CDHR5: variants seen among roughly 807,000 people sequenced by gnomAD.
The protein encoded by CDHR5 is cadherin related family member 5, also known as cadherin-related family member 5.
Under a neutral mutation model 69.5 loss-of-function variants are expected in CDHR5, and 82 were observed. The ratio of observed to expected loss-of-function variants is 1.18; its 90% confidence interval spans 0.99 to 1.42. The LOEUF is 1.42. Ranked by LOEUF, CDHR5 falls within the 40% of genes most tolerant of loss-of-function variation. The pLI is 0.00. For synonymous variants in CDHR5, 601 were observed against 510.2 expected (o/e 1.18, Z -2.40); for missense variants, 1,293 against 1,168.9 (o/e 1.11, Z -1.55).
In CDHR5 at chr11:617,544, C is replaced by T. The variant is rs757387099; in HGVS notation, c.2345G>A (p.Arg782Gln). 85 of 1,612,252 alleles carry T rather than the reference C, an allele frequency of 5.3e-5. No homozygotes were observed. Among genetic ancestry groups the T allele is most frequent in the Non-Finnish European group, 6.8e-5 (80 of 1,179,672 alleles). The change falls in exon 15 of 15, where the codon CGG becomes CAG. Residue 782 changes from arginine (R) to glutamine (Q), a missense_variant. Physicochemically the swap from Arg to Gln is conservative, Grantham distance 43. Transcript: ENST00000397542. ...AGCCTTGTACCCGCCCTCCGGCCGCCGCTCCTTGGTCAGGATGGACCTCAC... is the reference window on the plus strand; with the variant it reads ...AGCCTTGTACCCGCCCTCCGGCCGCTGCTCCTTGGTCAGGATGGACCTCAC... The part of the protein sequence containing the change: ...TAVRSILTKE[R>Q]RPEGGYKAVW...
chr11:619,468 C>T lies in CDHR5; in HGVS notation c.1293+6G>A. ...CTTGGAGATGCCCGCCTGCCCTGCC[C>T]CGCACCTCTGCGTAGAAGGCTCCCG... On this transcript the variant is annotated splice_donor_region_variant and intron_variant, in intron 11 of 14. Transcript: ENST00000397542. 6.2e-7 allele frequency: 1 copy of T among 1,610,388 alleles called. No individual in the cohort carries two copies. The highest frequency in any genetic ancestry group is 2.2e-5 in the East Asian group (1 of 44,858).
intron 7 of CDHR5, 91 bp downstream of exon 7, chr11:620,989 A>AC: frequency 1.9e-6 from 1 of 525,178 alleles, no homozygotes; most frequent in Non-Finnish European, 3.2e-6. Flanking sequence ...CCTGACCCCG[A>AC]CCCCGCCCTT....
intron 8 of CDHR5, 41 bp from the exon 9 acceptor site, chr11:620,205 G>A (rs1429314397): frequency 1.3e-6 from 2 of 1,593,320 alleles, no homozygotes; most frequent in African/African-American, 2.7e-5. Flanking sequence ...GCCCCCTGAG[G>A]CCCAGGGACC....
In CDHR5 at chr11:616,719, C is replaced by A; in HGVS notation, c.*632G>T. On this transcript the variant is annotated 3_prime_UTR_variant, in exon 15 of 15. Coordinates refer to ENST00000397542, the MANE Select transcript of CDHR5 (RefSeq NM_021924.5). ...CAGCGAGGGGAATGTGTCTCTCACCCCTAGGCCTCCTGGTCTGGCTCCTGC... is the reference window on the plus strand; with the variant it reads ...CAGCGAGGGGAATGTGTCTCTCACCACTAGGCCTCCTGGTCTGGCTCCTGC... 6.4e-6 allele frequency: 1 copy of A among 155,154 alleles called. No individual in the cohort carries two copies. 9.6% of individuals were successfully genotyped at this position (155,154 alleles called of 1,614,324 possible).
rs1410927341 is a variant in CDHR5 at position 616,924 on chromosome 11, C to T, written c.*427G>A. On this transcript the variant is annotated 3_prime_UTR_variant, in exon 15 of 15. Coordinates refer to ENST00000397542, the MANE Select transcript of CDHR5 (RefSeq NM_021924.5). ...TTGGGGGTTTGCATCGGCTCCTCAGCCTCCCCAGGCAATCTCTGTGTAGGG... is the reference window on the plus strand; with the variant it reads ...TTGGGGGTTTGCATCGGCTCCTCAGTCTCCCCAGGCAATCTCTGTGTAGGG... 2 of 201,168 alleles carry T rather than the reference C, an allele frequency of 9.9e-6. No homozygotes were observed. The highest frequency in any genetic ancestry group is 2.1e-5 in the Non-Finnish European group (2 of 97,450). The allele number at this position is 201,168 out of a possible 1,614,324, so 12.5% of individuals were successfully genotyped here. A position where few individuals can be genotyped will look rare whatever the true frequency, so the allele number is the denominator to read the frequency against.
In CDHR5 at chr11:619,892, G is replaced by C; in HGVS notation, c.979-11C>G. ...GTCGGCCTGTTGGCCCTGGAGGCGG[G>C]GGAGGCAGCAGTGACTAGTGGGGTT... is the stretch of plus-strand genomic sequence containing the variant. On this transcript the variant is annotated splice_polypyrimidine_tract_variant and intron_variant, in intron 9 of 14. Transcript: ENST00000397542. 1.3e-6 allele frequency: 2 copies of C among 1,530,286 alleles called. No homozygotes were observed. The highest frequency in any genetic ancestry group is 2.4e-5 in the South Asian group (2 of 83,360). The allele number at this position is 1,530,286 out of a possible 1,614,324, so 94.8% of individuals were successfully genotyped here. A position where few individuals can be genotyped will look rare whatever the true frequency, so the allele number is the denominator to read the frequency against.
Position 619,071 on chromosome 11 carries a change from A to T in CDHR5, c.1488T>A (p.Ser496=). 6.2e-7 allele frequency: 1 copy of T among 1,612,306 alleles called. No individual in the cohort carries two copies. The highest frequency in any genetic ancestry group is 8.5e-7 in the Non-Finnish European group (1 of 1,179,446). ...EPSQGPSTTS[S]GGGTGPHPPS... is the part of the protein sequence containing the mutation. Reference sequence around the variant, plus strand: ...GTGGATGAGGGCCTGTGCCTCCCCCAGAGCTGGTCGTGGAGGGTCCCTGGG... The same window carrying T: ...GTGGATGAGGGCCTGTGCCTCCCCCTGAGCTGGTCGTGGAGGGTCCCTGGG... The change falls in exon 13 of 15, where the codon TCT becomes TCA. Residue 496 remains serine, a synonymous_variant. Transcript: ENST00000397542.
At chr11:618,185 C>T (rs1412512539) in intron 13 of CDHR5, 74 bp from the exon 14 acceptor site, 2 of 1,304,242 alleles carry the variant, frequency 1.5e-6, no homozygotes, top group Non-Finnish European at 2.1e-6. Context: ...CCAACCTGTG[C>T]CAGGCTTGGG....
At position 621,607 on chromosome 11, in the gene CDHR5, G is replaced by C; in HGVS notation, c.462C>G (p.Arg154=). Residue 154 remains arginine (R), a synonymous_variant, in exon 5 of 15, where the codon CGC becomes CGG. Coordinates refer to ENST00000397542, the MANE Select transcript of CDHR5 (RefSeq NM_021924.5). The surrounding 1 kb of genome is among the most constrained non-coding windows in gnomAD (Gnocchi z 4.4). ...TGTAGAACAGAATGTCGTCCTTGTC[G>C]CGGTCCTCAGCCTGCAGTTGCGTCT... ...IPETQLQAED[R]DKDDILFYTL... 6.2e-7 allele frequency: 1 copy of C among 1,613,638 alleles called. No individual in the cohort carries two copies. The highest frequency in any genetic ancestry group is 8.5e-7 in the Non-Finnish European group (1 of 1,179,780).
chr11:619,186 G>A lies in CDHR5; in HGVS notation c.1379-6C>T, dbSNP rs1338149944. The A allele has an allele frequency of 4.6e-6, 7 of 1,520,330 alleles. No homozygotes were observed. The highest frequency in any genetic ancestry group is 6.2e-6 in the Non-Finnish European group (7 of 1,128,478). 94.2% of individuals were successfully genotyped at this position (1,520,330 alleles called of 1,614,324 possible). ...CTCTGGGGATGGGGGGACATCTGGG[G>A]GCCGGGAACAGTGCTTGGGCTTGCC... On this transcript the variant is annotated splice_polypyrimidine_tract_variant and splice_region_variant and intron_variant, in intron 12 of 14. Transcript: ENST00000397542.
Position 624,225 on chromosome 11 carries a change from G to T in CDHR5, c.300C>A (p.Ser100Arg). The change falls in exon 3 of 15, where the codon AGC becomes AGA. Residue 100 changes from serine (S) to arginine (R), a missense_variant. Ser to Arg is a moderately radical substitution (Grantham distance 110). Coordinates refer to ENST00000397542, the MANE Select transcript of CDHR5 (RefSeq NM_021924.5). The surrounding 1 kb of genome is among the most constrained non-coding windows in gnomAD (Gnocchi z 5.3). ...SLLEAQLLCQ[S>R]GGTLVTQLRV... ...GGCGGGGACTCACCAATGTGCCTCCGCTCTGACACAGCAGCTGAGCCTCAA... is the reference window on the plus strand; with the variant it reads ...GGCGGGGACTCACCAATGTGCCTCCTCTCTGACACAGCAGCTGAGCCTCAA... 1 of 768,178 alleles carries T rather than the reference G, an allele frequency of 1.3e-6. No homozygotes were observed. Among genetic ancestry groups the T allele is most frequent in the Non-Finnish European group, 2.4e-6 (1 of 412,800 alleles). The allele number at this position is 768,178 out of a possible 1,614,324, so 47.6% of individuals were successfully genotyped here.
At position 617,666 on chromosome 11, in the gene CDHR5, T is replaced by G. The variant is rs1165363808; in HGVS notation, c.2223A>C (p.Ala741=). Residue 741 remains alanine (A), a synonymous_variant, in exon 15 of 15, where the codon GCA becomes GCC. Transcript: ENST00000397542. Reference sequence around the variant, plus strand: ...GGGGTGCGGGCTCTGCGGGCATCGGTGCCTCCGCGGGCTTGGGGTCGTGCG... The same window carrying G: ...GGGGTGCGGGCTCTGCGGGCATCGGGGCCTCCGCGGGCTTGGGGTCGTGCG... ...SPTHDPKPAE[A]PMPAEPAPPG... The G allele has an allele frequency of 6.6e-7, 1 of 1,507,406 alleles. No individual in the cohort carries two copies. Among genetic ancestry groups the G allele is most frequent in the Non-Finnish European group, 8.8e-7 (1 of 1,132,732 alleles). The allele number at this position is 1,507,406 out of a possible 1,614,324, so 93.4% of individuals were successfully genotyped here.
intron 7 of CDHR5, among the ~76,000 whole-genome samples, chr11:620,833 C>G (rs535144279): frequency 3.3e-5 from 5 of 152,282 alleles, no homozygotes; most frequent in African/African-American, 1.2e-4. Flanking sequence ...CCCACCTCCC[C>G]AGGCCCCTGA....
rs1857221292 is a variant in CDHR5, at chr11:619,477, T to A, written c.1290A>T (p.Ala430=). ...GCCCGCCTGCCCTGCCCCGCACCTC[T>A]GCGTAGAAGGCTCCCGCCTGTGCCA... ...TTLAQAGAFY[A]EVEAHNTVTS... Residue 430 remains alanine (A), a synonymous_variant, in exon 11 of 15, where the codon GCA becomes GCT. Transcript: ENST00000397542. 5.0e-6 allele frequency: 8 copies of A among 1,611,672 alleles called. No individual in the cohort carries two copies. The East Asian group carries it at 1.8e-4, about 36-fold the overall frequency.
At position 617,942 on chromosome 11, in the gene CDHR5, C is replaced by T. The variant is rs1857071724; in HGVS notation, c.2118+12G>A. On this transcript the variant is annotated intron_variant, in intron 14 of 14. Transcript: ENST00000397542. ...CCTGGTCGCCTGCCCTGTTCTCCAT[C>T]CTGGGCCTCACCGGAGCTTTGCCAC... The T allele has an allele frequency of 6.2e-7, 1 of 1,609,164 alleles. No homozygotes were observed. Among genetic ancestry groups the T allele is most frequent in the South Asian group, 1.1e-5 (1 of 90,060 alleles).
In CDHR5 at chr11:619,547, G is replaced by A. The variant is rs372624306; in HGVS notation, c.1220C>T (p.Ser407Leu). 370 of 1,613,864 alleles carry A rather than the reference G, an allele frequency of 2.3e-4. No individual in the cohort carries two copies. Among genetic ancestry groups the A allele is most frequent in the Non-Finnish European group, 3.0e-4 (353 of 1,179,940 alleles). ...AACCTCTCCCTCCATCCGGAAGTGT[G>A]AGTGGTTGGTAATTCGATATGTGAT... is the stretch of plus-strand genomic sequence containing the variant. Reference protein sequence around the residue: ...SAITYRITNHSHFRMEGEVVL... With the variant: ...SAITYRITNHLHFRMEGEVVL... Residue 407 changes from serine to leucine, a missense_variant, in exon 11 of 15, where the codon TCA becomes TTA. Coordinates refer to ENST00000397542, the MANE Select transcript of CDHR5 (RefSeq NM_021924.5).
In CDHR5 at chr11:624,822, G is replaced by T; in HGVS notation, c.81C>A (p.Ala27=). The T allele has an allele frequency of 6.2e-7, 1 of 1,609,476 alleles. No homozygotes were observed. Residue 27 remains alanine, a synonymous_variant, in exon 1 of 15, where the codon GCC becomes GCA. Transcript: ENST00000397542. The surrounding 1 kb of genome is among the most constrained non-coding windows in gnomAD (Gnocchi z 5.3). ...LVRPPGTMAQ[A]QYCSVNKDIF... ...CCTACCCCTGCCCGCACATACACTGGGCCTGGGCCATGGTCCCCGGGGGTC... is the reference window on the plus strand; with the variant it reads ...CCTACCCCTGCCCGCACATACACTGTGCCTGGGCCATGGTCCCCGGGGGTC...
At position 617,172 on chromosome 11, in the gene CDHR5, T is replaced by G; in HGVS notation, c.*179A>C. The G allele has an allele frequency of 1.6e-6, 1 of 608,034 alleles. No homozygotes were observed. The allele number at this position is 608,034 out of a possible 1,614,324, so 37.7% of individuals were successfully genotyped here. On this transcript the variant is annotated 3_prime_UTR_variant, in exon 15 of 15. Transcript: ENST00000397542. ...AGACCCACCGCCTCATCTGCACACC[T>G]GGGCTCAAGCGCTAATGACGACAGG...
At chr11:618,438 C>T (rs959497508) in intron 13 of CDHR5, among the ~76,000 whole-genome samples, 161 bp downstream of exon 13, 2 of 152,252 alleles carry the variant, frequency 1.3e-5, no homozygotes, top group Non-Finnish European at 2.9e-5. Context: ...GGTTACCTCA[C>T]TGGGGGCCTT....
Sources: gnomAD v4.1 joint callset for allele counts (sites outside exome capture counted in the v4.1 genomes callset) on GRCh38, gnomAD v4.1.1 for gene constraint, Gnocchi (gnomAD v3.1) non-coding constraint, MANE v1.5 for transcripts, NCBI Gene and HGNC (gene_info 2026-07-23, HGNC 2026-07-21) for gene names.